ZNF423: variants seen among roughly 807,000 people sequenced by gnomAD.
ZNF423 encodes the protein Ebf-associated zinc finger protein.
A neutral mutation model predicts 95.8 loss-of-function variants in ZNF423; 12 were observed. The observed-to-expected ratio is 0.13, with a 90% CI of 0.08 to 0.20. The LOEUF (loss-of-function observed/expected upper bound fraction) is 0.20. Ranked by LOEUF, ZNF423 falls within the 10% of genes least tolerant of loss-of-function variation. The pLI, the probability that ZNF423 is intolerant of heterozygous loss-of-function variation, is 1.00. For synonymous variants in ZNF423, 749 were observed against 711.9 expected, an observed-to-expected ratio of 1.05 and a Z score of -0.83; for missense variants, 1,316 against 1,737.1, an observed-to-expected ratio of 0.76 and a Z score of 4.31.
chr16:49,783,778 T>C (rs1172393230), intron 2 of ZNF423, among the ~76,000 whole-genome samples: 1 of 152,004 alleles, frequency 6.6e-6, no homozygotes, highest in Non-Finnish European at 1.5e-5. Context: ...GAGATCATCC[T>C]GGCCAACATG....
Position 49,736,667 on chromosome 16 carries a change from C to T in ZNF423, c.101-5696G>A, listed in dbSNP as rs1014308751. Among the ~76,000 whole-genome samples, 6 of 152,248 alleles carry T rather than the reference C, an allele frequency of 3.9e-5. No homozygotes were observed. In the South Asian group the frequency reaches 8.3e-4, roughly 21 times the overall value. On this transcript the variant is annotated intron_variant, in intron 2 of 7. Coordinates refer to ENST00000563137, the MANE Select transcript of ZNF423 (RefSeq NM_001379286.1). ...AAAATCAGCCAGGCATGGTGGTGCA[C>T]GCCTGTGGTCCTAGCTACTTGAGAG...
intron 7 of ZNF423, among the ~76,000 whole-genome samples, chr16:49,501,720 C>T (rs962159901): frequency 6.6e-6 from 1 of 151,982 alleles, no homozygotes; most frequent in African/African-American, 2.4e-5. Context: ...AAATCATGTC[C>T]TTTGCAGCAA....
At chr16:49,680,365 C>T (rs762278505) in intron 3 of ZNF423, among the ~76,000 whole-genome samples, 22 of 152,268 alleles carry the variant, frequency 1.4e-4, no homozygotes, top group Non-Finnish European at 2.8e-4. Flanking sequence ...ATACCTCATT[C>T]TTCCTGGACA....
intron 5 of ZNF423, among the ~76,000 whole-genome samples, chr16:49,550,363 G>C (rs1251518645): frequency 2.6e-5 from 4 of 152,162 alleles, no homozygotes; most frequent in Non-Finnish European, 4.4e-5. Context: ...CCGCCCTACT[G>C]TTTCCTCTTT....
At chr16:49,566,998 G>A (rs1274786691) in intron 5 of ZNF423, among the ~76,000 whole-genome samples, 1 of 152,132 alleles carries the variant, frequency 6.6e-6, no homozygotes, top group Non-Finnish European at 1.5e-5. Context: ...GGTAAGACGG[G>A]GTCCTCTCAC....
intron 2 of ZNF423, among the ~76,000 whole-genome samples, chr16:49,777,448 GCA>G (rs1158960090): frequency 6.6e-6 from 1 of 152,174 alleles, no homozygotes; most frequent in Non-Finnish European, 1.5e-5. Context: ...TGTTGTGTGT[GCA>G]CATGCATGCA....
chr16:49,578,604 T>C (rs1484805762), intron 5 of ZNF423, among the ~76,000 whole-genome samples: 2 of 152,184 alleles, frequency 1.3e-5, no homozygotes, highest in East Asian at 1.9e-4. Context: ...CACCTCTTCC[T>C]TTCTGCCTGG....
intron 5 of ZNF423, among the ~76,000 whole-genome samples, chr16:49,532,754 G>A (rs1968900197): frequency 6.6e-6 from 1 of 152,068 alleles, no homozygotes; most frequent in African/African-American, 2.4e-5. Flanking sequence ...TTTGATCTGT[G>A]GGCCACTTGG....
chr16:49,562,903 C>T (rs1303368896), intron 5 of ZNF423, among the ~76,000 whole-genome samples: 3 of 152,078 alleles, frequency 2.0e-5, no homozygotes, highest in African/African-American at 7.2e-5. Flanking sequence ...CTCAGCCTCC[C>T]GAGTAGTTGG....
intron 2 of ZNF423, among the ~76,000 whole-genome samples, chr16:49,761,657 C>T (rs889306283): frequency 6.6e-6 from 1 of 152,200 alleles, no homozygotes; most frequent in Non-Finnish European, 1.5e-5. Context: ...CAGATAGGCA[C>T]AGAGTGGGTG....
intron 3 of ZNF423, among the ~76,000 whole-genome samples, chr16:49,666,866 G>A (rs1459406996): frequency 6.6e-6 from 1 of 151,996 alleles, no homozygotes; most frequent in Non-Finnish European, 1.5e-5. Flanking sequence ...CCAGGGGAGT[G>A]GGGCTGGGAC....
intron 7 of ZNF423, among the ~76,000 whole-genome samples, chr16:49,507,197 G>A (rs573996996): frequency 6.6e-6 from 1 of 152,256 alleles, no homozygotes; most frequent in African/African-American, 2.4e-5. Flanking sequence ...TATGTAAAAG[G>A]TTTTATAACA....
chr16:49,759,291 C>G (rs570967709), intron 2 of ZNF423, among the ~76,000 whole-genome samples: 77 of 151,978 alleles, frequency 5.1e-4, no homozygotes, highest in Non-Finnish European at 7.4e-4. Flanking sequence ...TCCAGCTACT[C>G]GGGAGGCTGG....
rs929758999 is a variant in ZNF423 at position 49,635,064 on chromosome 16, C to A, written c.3516+596G>T. Among the ~76,000 whole-genome samples, 2 of 152,242 alleles carry A rather than the reference C, an allele frequency of 1.3e-5. No homozygotes were observed. Among genetic ancestry groups the A allele is most frequent in the Non-Finnish European group, 2.9e-5 (2 of 68,048 alleles). ...ACCACATCAAAGGGCCTTCCACATA[C>A]CAGCAACTGCACTAACTGAAATGAT... On this transcript the variant is annotated intron_variant, in intron 4 of 7. Transcript: ENST00000563137. This position sits in a 1 kb window ranked among gnomAD's most constrained non-coding sequence, Gnocchi z 4.8.
intron 3 of ZNF423, among the ~76,000 whole-genome samples, chr16:49,716,268 G>T (rs775390667): frequency 1.3e-5 from 2 of 151,922 alleles, no homozygotes; most frequent in African/African-American, 2.4e-5. Flanking sequence ...CCTCAGAGGG[G>T]TCAGACCCGC....
chr16:49,800,314 C>G (rs2034563018), intron 1 of ZNF423, among the ~76,000 whole-genome samples: 1 of 151,992 alleles, frequency 6.6e-6, no homozygotes. Flanking sequence ...GTCTCAAACT[C>G]CTGGCCTCAC....
chr16:49,688,669 A>G (rs938074761), intron 3 of ZNF423, among the ~76,000 whole-genome samples: 4 of 152,400 alleles, frequency 2.6e-5, no homozygotes, highest in South Asian at 4.1e-4. Context: ...TACAGCACTC[A>G]TGCTCTTAAA....
At chr16:49,841,200 C>T (rs190897315) in intron 1 of ZNF423, among the ~76,000 whole-genome samples, 2 of 152,138 alleles carry the variant, frequency 1.3e-5, no homozygotes, top group Admixed American at 1.3e-4. Context: ...GAATCCTCCC[C>T]CCACTCCAGA....
At chr16:49,676,525 A>T (rs2031055804) in intron 3 of ZNF423, among the ~76,000 whole-genome samples, 1 of 152,202 alleles carries the variant, frequency 6.6e-6, no homozygotes, top group Admixed American at 6.5e-5. Context: ...AACAGCCTGG[A>T]GTAGGTCAAT....
Sources: gnomAD v4.1 joint callset for allele counts (sites outside exome capture counted in the v4.1 genomes callset) on GRCh38, gnomAD v4.1.1 for gene constraint, Gnocchi (gnomAD v3.1) non-coding constraint, MANE v1.5 for transcripts, NCBI Gene and HGNC (gene_info 2026-07-23, HGNC 2026-07-21) for gene names.